Variants in IFT80 observed in about 807,000 individuals in gnomAD.
IFT80 encodes the protein intraflagellar transport protein 80 homolog.
Under a neutral mutation model 107.9 loss-of-function variants are expected in IFT80, and 79 were observed. The observed-to-expected ratio is 0.73, with a 90% CI of 0.61 to 0.88. The LOEUF (loss-of-function observed/expected upper bound fraction) is 0.88, where lower values mean the gene tolerates loss of function less well. Ranked by LOEUF, IFT80 falls within the 40% of genes least tolerant of loss-of-function variation. The pLI is 0.00. For missense variants in IFT80, 797 were observed against 914.2 expected, an observed-to-expected ratio of 0.87 and a Z score of 1.65; for synonymous variants, 299 against 300.9, an observed-to-expected ratio of 0.99 and a Z score of 0.07.
chr3:160,381,708 G>A lies in IFT80; in HGVS notation c.54C>T (p.Ser18=). Residue 18 remains serine (S), a synonymous_variant, in exon 3 of 20, where the codon AGC becomes AGT. Transcript: ENST00000326448. ...CTTCAGCAGTAGTCCAGCCCACACA[G>A]CTTACTAATTCTTGATGTGTCACCA... ...LKEPKHQELV[S]CVGWTTAEEL... is the part of the protein sequence containing the mutation. The A allele has an allele frequency of 6.2e-7, 1 of 1,611,210 alleles. No homozygotes were observed. The highest frequency in any genetic ancestry group is 8.5e-7 in the Non-Finnish European group (1 of 1,179,202).
At chr3:160,286,329 C>A (rs184762583) in intron 12 of IFT80, among the ~76,000 whole-genome samples, 2 of 152,296 alleles carry the variant, frequency 1.3e-5, no homozygotes, top group Admixed American at 1.3e-4. Context: ...AGTGATTACC[C>A]TACCATACAA....
chr3:160,293,751 CA>C (rs1266096318), intron 12 of IFT80, among the ~76,000 whole-genome samples: 1 of 152,186 alleles, frequency 6.6e-6, no homozygotes, highest in Non-Finnish European at 1.5e-5. Context: ...ATCTCATGTT[CA>C]GAGGGTTGAG....
At chr3:160,373,670 C>T in intron 5 of IFT80, 1 of 173,892 alleles carries the variant, frequency 5.8e-6, no homozygotes, top group Non-Finnish European at 1.2e-5. Context: ...AAGATGGTCA[C>T]TGCTGGGGGT....
rs1170349460 is a variant in IFT80, at chr3:160,303,926, C to T, written c.1140G>A (p.Leu380=). 1 of 1,606,842 alleles carries T rather than the reference C, an allele frequency of 6.2e-7. No homozygotes were observed. The highest frequency in any genetic ancestry group is 8.5e-7 in the Non-Finnish European group (1 of 1,173,698). ...ACATAATAAATTACCTTTCTGCCTGCAGAATCAAACTAACAGTTCCTTCTT... is the reference window on the plus strand; with the variant it reads ...ACATAATAAATTACCTTTCTGCCTGTAGAATCAAACTAACAGTTCCTTCTT... ...DLKEGTVSLI[L]QAERHFLLVD... The change falls in exon 11 of 20, where the codon CTG becomes CTA. Residue 380 remains leucine (L), a synonymous_variant. Coordinates refer to ENST00000326448, the MANE Select transcript of IFT80 (RefSeq NM_020800.3).
At chr3:160,292,258 A>G (rs546326228) in intron 12 of IFT80, among the ~76,000 whole-genome samples, 3 of 152,330 alleles carry the variant, frequency 2.0e-5, no homozygotes, top group East Asian at 3.9e-4. Context: ...ACATTTCGTC[A>G]GACCAAGGAA....
intron 8 of IFT80, among the ~76,000 whole-genome samples, chr3:160,349,723 A>G (rs960349043): frequency 1.3e-5 from 2 of 152,354 alleles, no homozygotes; most frequent in Admixed American, 6.5e-5. Flanking sequence ...GTACTTTTTA[A>G]AAGAAGCCTT....
At chr3:160,363,708 T>A (rs1054845615) in intron 6 of IFT80, among the ~76,000 whole-genome samples, 1 of 152,016 alleles carries the variant, frequency 6.6e-6, no homozygotes, top group Non-Finnish European at 1.5e-5. Context: ...ACACCATACA[T>A]TTACAACCAT....
Position 160,258,330 on chromosome 3 carries a change from A to C in IFT80, c.*195T>G. On this transcript the variant is annotated 3_prime_UTR_variant, in exon 20 of 20. Coordinates refer to ENST00000326448, the MANE Select transcript of IFT80 (RefSeq NM_020800.3). ...TAATATTTTGCTAATTATTGGACTA[A>C]AAAATATAAAAGATAGAAATACATC... 2.8e-6 allele frequency: 2 copies of C among 705,118 alleles called. No homozygotes were observed. Among genetic ancestry groups the C allele is most frequent in the South Asian group, 3.9e-5 (2 of 51,666 alleles). The allele number at this position is 705,118 out of a possible 1,614,324, so 43.7% of individuals were successfully genotyped here. A position where few individuals can be genotyped will look rare whatever the true frequency, so the allele number is the denominator to read the frequency against.
intron 12 of IFT80, among the ~76,000 whole-genome samples, chr3:160,289,428 C>G (rs1409476853): frequency 6.6e-6 from 1 of 152,130 alleles, no homozygotes; most frequent in African/African-American, 2.4e-5. Flanking sequence ...TGTAACAAAC[C>G]TGCACATGTA....
chr3:160,277,476 A>G lies in IFT80; in HGVS notation c.1929T>C (p.Ile643=), dbSNP rs1714355134. Residue 643 remains isoleucine, a splice_region_variant and synonymous_variant, in exon 18 of 20, where the codon ATT becomes ATC. Transcript: ENST00000326448. Reference sequence around the variant, plus strand: ...TAGAATTGATGTACTGAACCTTATCAATCTAAAAAAGAAAAGAAAAATATT... The same window carrying G: ...TAGAATTGATGTACTGAACCTTATCGATCTAAAAAAGAAAAGAAAAATATT... ...AEIAYAAIGE[I]DKVQYINSIK... The G allele has an allele frequency of 1.9e-6, 3 of 1,603,848 alleles. No homozygotes were observed. The highest frequency in any genetic ancestry group is 2.6e-6 in the Non-Finnish European group (3 of 1,171,498).
intron 13 of IFT80, among the ~76,000 whole-genome samples, chr3:160,284,631 T>C (rs1292686251): frequency 2.6e-5 from 4 of 152,208 alleles, no homozygotes; most frequent in Non-Finnish European, 5.9e-5. Flanking sequence ...AAGATGTATA[T>C]GCAAGGTAAT....
intron 12 of IFT80, chr3:160,299,263 C>G: frequency 8.6e-7 from 1 of 1,168,148 alleles, no homozygotes; most frequent in Non-Finnish European, 1.1e-6. Flanking sequence ...AAAGTCTTCT[C>G]TCAGAGAAGG....
chr3:160,280,068 T>G (rs932688934), intron 15 of IFT80, among the ~76,000 whole-genome samples: 1 of 152,190 alleles, frequency 6.6e-6, no homozygotes, highest in African/African-American at 2.4e-5. Flanking sequence ...AAAAACAAAC[T>G]CAAAACAGAT....
intron 4 of IFT80, among the ~76,000 whole-genome samples, chr3:160,377,106 T>C (rs1712085656): frequency 6.6e-6 from 1 of 152,344 alleles, no homozygotes; most frequent in Admixed American, 6.5e-5. Context: ...GGCAGGGGAT[T>C]GGAAACAGAC....
rs570113883 is a variant in IFT80 at position 160,383,537 on chromosome 3, C to T, written c.37+1027G>A. 3.0e-4 allele frequency: 227 copies of T among 768,224 alleles called. 1 individual carries two copies. The African/African-American group carries it at 3.8e-3, about 13-fold the overall frequency. 47.6% of individuals were successfully genotyped at this position (768,224 alleles called of 1,614,324 possible). A position where few individuals can be genotyped will look rare whatever the true frequency, so the allele number is the denominator to read the frequency against. Reference sequence around the variant, plus strand: ...TCGAATCCATTGCATATGGATATTTCGTAAGATACAATAAAAATAAAATAT... The same window carrying T: ...TCGAATCCATTGCATATGGATATTTTGTAAGATACAATAAAAATAAAATAT... On this transcript the variant is annotated intron_variant, in intron 2 of 19. Transcript: ENST00000326448.
At chr3:160,317,098 A>AAACAAGGAC (rs766937427) in intron 9 of IFT80, among the ~76,000 whole-genome samples, 22 of 152,246 alleles carry the variant, frequency 1.4e-4, no homozygotes, top group Middle Eastern at 3.4e-3. Context: ...GGGTCCATAA[A>AAACAAGGAC]AACAAGGACC....
intron 8 of IFT80, among the ~76,000 whole-genome samples, chr3:160,324,236 T>G (rs1226948500): frequency 1.3e-5 from 2 of 152,116 alleles, no homozygotes; most frequent in Non-Finnish European, 2.9e-5. Context: ...CTGAAACTAT[T>G]CCAGTCAATA....
intron 8 of IFT80, among the ~76,000 whole-genome samples, chr3:160,347,017 A>G (rs1052509817): frequency 2.6e-5 from 4 of 152,312 alleles, no homozygotes; most frequent in Admixed American, 1.3e-4. Flanking sequence ...TAAGGCGTCA[A>G]AACAAAGACA....
intron 12 of IFT80, among the ~76,000 whole-genome samples, chr3:160,292,767 G>T (rs1175577062): frequency 1.3e-5 from 2 of 151,992 alleles, no homozygotes; most frequent in Non-Finnish European, 2.9e-5. Context: ...AGGGAGAGGG[G>T]GAGGAGAAAG....
Sources: gnomAD v4.1 joint callset for allele counts (sites outside exome capture counted in the v4.1 genomes callset) on GRCh38, gnomAD v4.1.1 for gene constraint, MANE v1.5 for transcripts, NCBI Gene and HGNC (gene_info 2026-07-23, HGNC 2026-07-21) for gene names.